TRPM3: variants seen among roughly 807,000 people sequenced by gnomAD.
The protein encoded by TRPM3 is long transient receptor potential channel 3.
Under a neutral mutation model 181.2 loss-of-function variants are expected in TRPM3, and 77 were observed. The observed-to-expected ratio is 0.42, with a 90% CI of 0.35 to 0.51. The LOEUF is 0.51. Ranked by LOEUF, TRPM3 falls within the 20% of genes least tolerant of loss-of-function variation. The pLI, the probability that TRPM3 is intolerant of heterozygous loss-of-function variation, is 0.01. For missense variants in TRPM3, 1,759 were observed against 2,196.7 expected (o/e 0.80, Z 3.98); for synonymous variants, 745 against 796.4 (o/e 0.94, Z 1.09).
Position 70,552,914 on chromosome 9 carries a change from CATGGTCATGTGGCTGAAG to C in TRPM3, c.3486_3503del (p.Ile1162_Thr1167del). The C allele has an allele frequency of 6.2e-7, 1 of 1,614,160 alleles. No homozygotes were observed. Among genetic ancestry groups the C allele is most frequent in the Non-Finnish European group, 8.5e-7 (1 of 1,180,022 alleles). ...ATCGGCAGCACAGGTGCTGGAATAT[CATGGTCATGTGGCTGAAG>C]ATGATCAGTGGTGGGGGCAGAACTG... On this transcript the variant is annotated inframe_deletion, in exon 24 of 26. Coordinates refer to ENST00000677713, the MANE Select transcript of TRPM3 (RefSeq NM_001366145.2).
chr9:70,608,171 T>C (rs1369115856), intron 19 of TRPM3, among the ~76,000 whole-genome samples: 3 of 152,226 alleles, frequency 2.0e-5, no homozygotes, highest in African/African-American at 2.4e-5. Flanking sequence ...TCCATAAATC[T>C]TCCACCACGT....
At chr9:71,379,923 C>T (rs148627693) in intron 1 of TRPM3, among the ~76,000 whole-genome samples, 3 of 152,052 alleles carry the variant, frequency 2.0e-5, no homozygotes, top group Admixed American at 1.3e-4. Flanking sequence ...TAACTTTCTT[C>T]GTGTATGCCA....
intron 1 of TRPM3, among the ~76,000 whole-genome samples, chr9:70,944,775 A>G (rs2096916797): frequency 6.6e-6 from 1 of 152,164 alleles, no homozygotes; most frequent in South Asian, 2.1e-4. Flanking sequence ...CATTTATATC[A>G]TGACTAAATT....
At chr9:70,669,916 T>C (rs1277586713) in intron 9 of TRPM3, among the ~76,000 whole-genome samples, 2 of 152,124 alleles carry the variant, frequency 1.3e-5, no homozygotes, top group Admixed American at 1.3e-4. Context: ...AAAAAAATTT[T>C]TGTAGACATG....
intron 1 of TRPM3, among the ~76,000 whole-genome samples, chr9:70,904,817 C>T (rs1276246456): frequency 6.6e-6 from 1 of 152,152 alleles, no homozygotes; most frequent in Non-Finnish European, 1.5e-5. Context: ...GGAGAGTCTT[C>T]ATTGAACAAT....
chr9:71,278,450 C>G (rs796555743), intron 1 of TRPM3, among the ~76,000 whole-genome samples: 5 of 152,062 alleles, frequency 3.3e-5, no homozygotes, highest in Admixed American at 2.0e-4. Flanking sequence ...CAAAAGATAC[C>G]AAATCAGATA....
chr9:70,741,554 A>T (rs1587676397), intron 8 of TRPM3, among the ~76,000 whole-genome samples: 2 of 152,328 alleles, frequency 1.3e-5, no homozygotes, highest in East Asian at 3.9e-4. Context: ...CAATTGTGAA[A>T]ATATTGAACC....
intron 1 of TRPM3, among the ~76,000 whole-genome samples, chr9:70,946,946 A>C (rs1384470467): frequency 3.9e-5 from 6 of 152,162 alleles, no homozygotes; most frequent in African/African-American, 1.4e-4. Context: ...ATTGACCACA[A>C]TTTGTGTATC....
At chr9:70,561,271 T>G (rs150394125) in intron 22 of TRPM3, among the ~76,000 whole-genome samples, 1 of 152,362 alleles carries the variant, frequency 6.6e-6, no homozygotes, top group East Asian at 1.9e-4. Flanking sequence ...GGATTTAGAA[T>G]GCCATTAGCA....
At chr9:71,038,959 T>C (rs913501328) in intron 1 of TRPM3, among the ~76,000 whole-genome samples, 6 of 152,284 alleles carry the variant, frequency 3.9e-5, no homozygotes, top group Non-Finnish European at 7.4e-5. Flanking sequence ...AGTATCACTA[T>C]TTGACCCTGT....
At chr9:70,789,994 TTTCTTC>T (rs777552831) in intron 6 of TRPM3, among the ~76,000 whole-genome samples, 1 of 152,212 alleles carries the variant, frequency 6.6e-6, no homozygotes, top group Non-Finnish European at 1.5e-5. Flanking sequence ...CTAAGCAGTC[TTTCTTC>T]TTCTTCTCTT....
intron 8 of TRPM3, among the ~76,000 whole-genome samples, chr9:70,688,312 T>C (rs545336375): frequency 2.6e-4 from 40 of 152,218 alleles, no homozygotes; most frequent in African/African-American, 9.4e-4. Context: ...ATTATTTTTA[T>C]TTCAATAGTT....
At chr9:71,293,529 T>C (rs1181179216) in intron 1 of TRPM3, among the ~76,000 whole-genome samples, 2 of 151,718 alleles carry the variant, frequency 1.3e-5, no homozygotes, top group East Asian at 3.8e-4. Context: ...TGCAAATCCT[T>C]TACGTAGAAA....
At chr9:71,235,777 G>A (rs2081320756) in intron 1 of TRPM3, among the ~76,000 whole-genome samples, 1 of 152,170 alleles carries the variant, frequency 6.6e-6, no homozygotes, top group African/African-American at 2.4e-5. Context: ...CAATCTGGAT[G>A]TTTCCCAGAA....
intron 1 of TRPM3, among the ~76,000 whole-genome samples, chr9:71,364,079 C>A (rs2092253112): frequency 6.6e-6 from 1 of 152,042 alleles, no homozygotes; most frequent in African/African-American, 2.4e-5. Context: ...TCAAGGCTAT[C>A]TCACAATAGG....
chr9:71,326,158 A>C (rs958478979), intron 1 of TRPM3, among the ~76,000 whole-genome samples: 2 of 152,234 alleles, frequency 1.3e-5, no homozygotes, highest in East Asian at 3.8e-4. Flanking sequence ...GATTGTGGGG[A>C]AGAACATATG....
At chr9:70,659,726 C>G (rs1003037269) in intron 9 of TRPM3, among the ~76,000 whole-genome samples, 2 of 152,144 alleles carry the variant, frequency 1.3e-5, no homozygotes, top group Admixed American at 6.5e-5. Flanking sequence ...TTCTTGGCTA[C>G]AAGTCTTCAA....
At chr9:70,905,333 A>G (rs1053926882) in intron 1 of TRPM3, among the ~76,000 whole-genome samples, 3 of 152,224 alleles carry the variant, frequency 2.0e-5, no homozygotes, top group East Asian at 1.9e-4. Flanking sequence ...AAGCTGTTCA[A>G]TTTTGTTTAA....
intron 1 of TRPM3, among the ~76,000 whole-genome samples, chr9:70,976,174 C>G (rs1474071610): frequency 6.6e-6 from 1 of 152,172 alleles, no homozygotes; most frequent in African/African-American, 2.4e-5. Context: ...CAGATATGCT[C>G]TCATTCCTGG....
Sources: gnomAD v4.1 joint callset for allele counts (sites outside exome capture counted in the v4.1 genomes callset) on GRCh38, gnomAD v4.1.1 for gene constraint, MANE v1.5 for transcripts, NCBI Gene and HGNC (gene_info 2026-07-23, HGNC 2026-07-21) for gene names.